Variants in MIDEAS observed in about 807,000 individuals in gnomAD.
MIDEAS encodes mitotic deacetylase associated SANT domain protein.
A neutral mutation model predicts 102.7 loss-of-function variants in MIDEAS; 26 were observed. That is an observed-to-expected ratio of 0.25 (90% CI 0.19 to 0.35). The LOEUF (loss-of-function observed/expected upper bound fraction) is 0.35, where lower values mean the gene tolerates loss of function less well. Among genes scored for constraint, MIDEAS ranks in the 10% least tolerant of loss-of-function variants. MIDEAS has a pLI of 1.00. For synonymous variants in MIDEAS, 585 were observed against 591.0 expected, an observed-to-expected ratio of 0.99 and a Z score of 0.15; for missense variants, 1,231 against 1,435.6, an observed-to-expected ratio of 0.86 and a Z score of 2.30.
At position 73,727,499 on chromosome 14, in the gene MIDEAS, G is replaced by A; in HGVS notation, c.2121C>T (p.Val707=). 1 of 1,613,450 alleles carries A rather than the reference G, an allele frequency of 6.2e-7. No individual in the cohort carries two copies. The highest frequency in any genetic ancestry group is 1.3e-5 in the African/African-American group (1 of 75,012). The change falls in exon 5 of 13, where the codon GTC becomes GTT. Residue 707 remains valine (V), a synonymous_variant. Coordinates refer to ENST00000423556, the MANE Select transcript of MIDEAS (RefSeq NM_001367710.1). ...RTNSAEVTPP[V]LSVMGEATPV... is the part of the protein sequence containing the mutation. ...GGGTGGCCTCCCCCATCACAGAGAG[G>A]ACAGGCGGGGTTACTTCAGCACTGT...
At chr14:73,754,624 G>T (rs548226501) in intron 1 of MIDEAS, among the ~76,000 whole-genome samples, 1 of 152,244 alleles carries the variant, frequency 6.6e-6, no homozygotes, top group African/African-American at 2.4e-5. Context: ...TGAAGGATTC[G>T]GACTAGATGT....
At chr14:73,783,836 G>A (rs1001855346) in intron 1 of MIDEAS, among the ~76,000 whole-genome samples, 3 of 152,212 alleles carry the variant, frequency 2.0e-5, no homozygotes, top group Non-Finnish European at 4.4e-5. Context: ...GAAAACTGTA[G>A]CGTGTTCTTA....
chr14:73,757,671 GA>G (rs1397090877), intron 1 of MIDEAS, among the ~76,000 whole-genome samples: 3 of 152,196 alleles, frequency 2.0e-5, no homozygotes, highest in Non-Finnish European at 4.4e-5. Context: ...CTCTCAACCT[GA>G]AGATTCCTGG....
At position 73,783,067 on chromosome 14, in the gene MIDEAS, T is replaced by C. The variant is rs2053770728; in HGVS notation, c.-248+4035A>G. On this transcript the variant is annotated intron_variant, in intron 1 of 11. Transcript: ENST00000394071. ...CACCAGACCTGGGGATACAAAGATA[T>C]ATAAAACAGGGCTTCCAGTTTAGTT... Among the ~76,000 whole-genome samples the C allele has an allele frequency of 2.0e-5, 3 of 152,322 alleles. 1 individual carries two copies. In the South Asian group the frequency reaches 6.2e-4, roughly 32 times the overall value.
At chr14:73,772,053 G>T (rs1283255419) in intron 1 of MIDEAS, among the ~76,000 whole-genome samples, 1 of 152,218 alleles carries the variant, frequency 6.6e-6, no homozygotes, top group Non-Finnish European at 1.5e-5. Flanking sequence ...ATCGTCTGGG[G>T]CCCTGAGCCA....
upstream of MIDEAS, chr14:73,760,387 A>C (rs1350425321): frequency 6.6e-6 from 1 of 152,068 alleles, no homozygotes; most frequent in Non-Finnish European, 1.5e-5. The surrounding 1 kb of genome is among the most constrained non-coding windows in gnomAD (Gnocchi z 4.8). Context: ...GCGTCCTTAA[A>C]CCTCAGGCGG....
rs755723270 is a variant in MIDEAS at position 73,725,926 on chromosome 14, C to G, written c.2485+107G>C. 25 of 998,232 alleles carry G rather than the reference C, an allele frequency of 2.5e-5. No individual in the cohort carries two copies. The highest frequency in any genetic ancestry group is 3.5e-5 in the Non-Finnish European group (23 of 652,792). The allele number at this position is 998,232 out of a possible 1,614,324, so 61.8% of individuals were successfully genotyped here. ...TCTGACTCTTGGCTTATCTACCCTC[C>G]TCCTCCCGCCCCCACCCAGGGCTGT... On this transcript the variant is annotated intron_variant, in intron 8 of 12. Transcript: ENST00000423556. This position sits in a 1 kb window ranked among gnomAD's most constrained non-coding sequence, Gnocchi z 4.1.
intron 2 of MIDEAS, among the ~76,000 whole-genome samples, chr14:73,738,137 C>T (rs1377169243): frequency 6.6e-6 from 1 of 152,106 alleles, no homozygotes; most frequent in Non-Finnish European, 1.5e-5. Flanking sequence ...GTGGCTCACG[C>T]CTGTAATCCT....
At chr14:73,727,659 G>A in intron 4 of MIDEAS, 135 bp from the exon 5 acceptor site, 1 of 803,026 alleles carries the variant, frequency 1.2e-6, no homozygotes, top group Non-Finnish European at 1.9e-6. Context: ...AGGCACCTGA[G>A]TCCTGGCTCT....
At chr14:73,778,067 G>A (rs371789918) in intron 1 of MIDEAS, among the ~76,000 whole-genome samples, 7 of 151,850 alleles carry the variant, frequency 4.6e-5, no homozygotes, top group African/African-American at 1.7e-4. Flanking sequence ...TATAAACCAT[G>A]ATAGGGGCCA....
intron 1 of MIDEAS, among the ~76,000 whole-genome samples, chr14:73,750,589 G>A (rs763633946): frequency 3.3e-5 from 5 of 152,194 alleles, no homozygotes; most frequent in Non-Finnish European, 5.9e-5. Flanking sequence ...TCTCACTCTG[G>A]AATAAAAGCC....
intron 1 of MIDEAS, among the ~76,000 whole-genome samples, chr14:73,746,736 A>C (rs930981292): frequency 2.0e-5 from 3 of 152,122 alleles, no homozygotes; most frequent in Non-Finnish European, 4.4e-5. Context: ...GAGGCCACTC[A>C]CAGGGGCCTC....
chr14:73,779,824 G>A (rs563782703), intron 1 of MIDEAS, among the ~76,000 whole-genome samples: 268 of 147,804 alleles, frequency 1.8e-3, no homozygotes, highest in African/African-American at 6.3e-3. Flanking sequence ...TGATCCACCC[G>A]CCTCGGCCTT....
rs1200763085 is a variant in MIDEAS at position 73,715,981 on chromosome 14, G to A, written c.*2862C>T. 1 of 152,378 alleles carries A rather than the reference G, an allele frequency of 6.6e-6. No homozygotes were observed. The highest frequency in any genetic ancestry group is 1.5e-5 in the Non-Finnish European group (1 of 68,092). The allele number at this position is 152,378 out of a possible 1,614,324, so 9.4% of individuals were successfully genotyped here. A position where few individuals can be genotyped will look rare whatever the true frequency, so the allele number is the denominator to read the frequency against. ...GAAATGGTCTGCAACACAGGCACTA[G>A]GTCAGTTTCCCGCCCTTAGCTGAAT... On this transcript the variant is annotated 3_prime_UTR_variant, in exon 13 of 13. Coordinates refer to ENST00000423556, the MANE Select transcript of MIDEAS (RefSeq NM_001367710.1).
upstream of MIDEAS, chr14:73,789,006 T>TGTAAGTATGGCA (rs2053843843): frequency 6.6e-6 from 1 of 152,202 alleles, no homozygotes; most frequent in Non-Finnish European, 1.5e-5. Context: ...TACACATACA[T>TGTAAGTATGGCA]TGCTTTTTTC....
chr14:73,774,976 G>A (rs1334220920), intron 1 of MIDEAS, among the ~76,000 whole-genome samples: 2 of 152,072 alleles, frequency 1.3e-5, no homozygotes, highest in Non-Finnish European at 2.9e-5. Flanking sequence ...CATCCTGCAG[G>A]GGGGAAGTTC....
At chr14:73,762,193 G>A (rs2053560166), upstream of MIDEAS, among the ~76,000 whole-genome samples, 1 of 152,122 alleles carries the variant, frequency 6.6e-6, no homozygotes, top group South Asian at 2.1e-4. Context: ...GCCCCTAAGA[G>A]CTTGTGCAGA....
chr14:73,770,362 CGATGAT>C (rs10536715), intron 1 of MIDEAS, among the ~76,000 whole-genome samples: 8 of 151,452 alleles, frequency 5.3e-5, no homozygotes, highest in East Asian at 3.9e-4. Flanking sequence ...ATGATGATGA[CGATGAT>C]GATGATGATG....
At chr14:73,750,088 A>G (rs1176052715) in intron 1 of MIDEAS, among the ~76,000 whole-genome samples, 1 of 152,188 alleles carries the variant, frequency 6.6e-6, no homozygotes, top group African/African-American at 2.4e-5. Flanking sequence ...CAAAAGACAG[A>G]TCCTTCCCAA....
Sources: gnomAD v4.1 joint callset for allele counts (sites outside exome capture counted in the v4.1 genomes callset) on GRCh38, gnomAD v4.1.1 for gene constraint, Gnocchi (gnomAD v3.1) non-coding constraint, MANE v1.5 for transcripts, NCBI Gene and HGNC (gene_info 2026-07-23, HGNC 2026-07-21) for gene names.